Variants in BAZ1B observed in about 807,000 individuals in gnomAD.
BAZ1B encodes bromodomain adjacent to zinc finger domain 1B.
A neutral mutation model predicts 153.8 loss-of-function variants in BAZ1B; 22 were observed. The observed-to-expected ratio is 0.14, with a 90% CI of 0.10 to 0.20. The LOEUF (loss-of-function observed/expected upper bound fraction) is 0.20. Among genes scored for constraint, BAZ1B ranks in the 10% least tolerant of loss-of-function variants. BAZ1B has a pLI of 1.00. For missense variants in BAZ1B, 1,325 were observed against 1,799.3 expected (o/e 0.74, Z 4.77); for synonymous variants, 676 against 633.4 (o/e 1.07, Z -1.01).
chr7:73,442,136 T>TCCCCCCCCCC, intron 19 of BAZ1B, 45 bp downstream of exon 19: 1 of 573,492 alleles, frequency 1.7e-6, no homozygotes, highest in Non-Finnish European at 3.2e-6. Flanking sequence ...CTCGCTCGCC[T>TCCCCCCCCCC]CCCTCCCACC....
intron 1 of BAZ1B, among the ~76,000 whole-genome samples, chr7:73,519,604 T>A (rs1254331435): frequency 6.6e-6 from 1 of 152,222 alleles, no homozygotes; most frequent in African/African-American, 2.4e-5. Context: ...CAGTTTTAAA[T>A]TGTTACCATC....
chr7:73,494,151 G>A (rs1789777078), intron 4 of BAZ1B, among the ~76,000 whole-genome samples: 1 of 152,070 alleles, frequency 6.6e-6, no homozygotes, highest in African/African-American at 2.4e-5. Context: ...AGGAGCCAAG[G>A]CAGAAGGATC....
rs557717522 is a variant in BAZ1B, at chr7:73,441,707, G to A, written c.*16-14C>T. On this transcript the variant is annotated splice_polypyrimidine_tract_variant and intron_variant, in intron 19 of 19. Transcript: ENST00000339594. ...TGATACTGTCACCTGAGAGGAAGAC[G>A]GGGGAAGAGACAGAGTATGGGCTTA... The A allele has an allele frequency of 3.1e-4, 49 of 158,448 alleles. 2 individuals carry two copies. In the South Asian group the frequency reaches 8.5e-3, roughly 28 times the overall value. 9.8% of individuals were successfully genotyped at this position (158,448 alleles called of 1,614,324 possible).
intron 17 of BAZ1B, among the ~76,000 whole-genome samples, chr7:73,443,712 G>A (rs1174958480): frequency 2.6e-5 from 4 of 152,140 alleles, no homozygotes; most frequent in African/African-American, 9.7e-5. Context: ...GGAGACACAT[G>A]GATACTATTT....
At chr7:73,470,628 GA>G (rs1788767449) in intron 7 of BAZ1B, 145 bp from the exon 8 acceptor site, 1 of 982,350 alleles carries the variant, frequency 1.0e-6, no homozygotes, top group Non-Finnish European at 1.5e-6. Context: ...TCTGTTACAA[GA>G]AATTACATGT....
At chr7:73,495,968 A>C (rs941109579) in intron 4 of BAZ1B, among the ~76,000 whole-genome samples, 3 of 152,232 alleles carry the variant, frequency 2.0e-5, no homozygotes, top group African/African-American at 7.2e-5. Context: ...AAGTTTACCT[A>C]TGCAACAACC....
chr7:73,456,687 A>T (rs1788212834), intron 13 of BAZ1B, among the ~76,000 whole-genome samples: 1 of 152,122 alleles, frequency 6.6e-6, no homozygotes, highest in Admixed American at 6.6e-5. Flanking sequence ...GAGGCCTATA[A>T]TGCCAGCACT....
chr7:73,455,047 C>T (rs1336102966), intron 13 of BAZ1B, among the ~76,000 whole-genome samples: 2 of 150,876 alleles, frequency 1.3e-5, no homozygotes, highest in African/African-American at 2.4e-5. Context: ...TGTGTGTGTG[C>T]ATTTTTTCTT....
Position 73,508,482 on chromosome 7 carries a change from G to C in BAZ1B, c.225-11C>G. The C allele has an allele frequency of 6.3e-7, 1 of 1,596,618 alleles. No individual in the cohort carries two copies. The highest frequency in any genetic ancestry group is 8.5e-7 in the Non-Finnish European group (1 of 1,171,732). Reference sequence around the variant, plus strand: ...AACTCCTCCTTCAAACTAAATAAATGTAATTAGTTATCAAGAAAACACAGA... The same window carrying C: ...AACTCCTCCTTCAAACTAAATAAATCTAATTAGTTATCAAGAAAACACAGA... On this transcript the variant is annotated splice_polypyrimidine_tract_variant and intron_variant, in intron 2 of 19. Coordinates refer to ENST00000339594, the MANE Select transcript of BAZ1B (RefSeq NM_032408.4).
chr7:73,505,046 TC>T (rs1790279930), intron 3 of BAZ1B, among the ~76,000 whole-genome samples: 1 of 152,122 alleles, frequency 6.6e-6, no homozygotes, highest in African/African-American at 2.4e-5. Context: ...AGCTATTCCC[TC>T]CCTCTTCTCT....
At chr7:73,471,033 C>A (rs1447093741) in intron 7 of BAZ1B, among the ~76,000 whole-genome samples, 1 of 152,178 alleles carries the variant, frequency 6.6e-6, no homozygotes, top group African/African-American at 2.4e-5. Context: ...CCACACCCAG[C>A]CAAAATATCA....
chr7:73,476,811 C>T, intron 7 of BAZ1B, 57 bp downstream of exon 7: 1 of 1,531,496 alleles, frequency 6.5e-7, no homozygotes, highest in Non-Finnish European at 8.7e-7. Flanking sequence ...TCAGTAATTT[C>T]CTTTCTTTTA....
chr7:73,512,667 CTT>C (rs1554578754), intron 1 of BAZ1B, among the ~76,000 whole-genome samples: 1 of 152,204 alleles, frequency 6.6e-6, no homozygotes, highest in Admixed American at 6.5e-5. Flanking sequence ...AACTAATTTA[CTT>C]TTAAGCACAG....
At chr7:73,472,416 G>A (rs1192651930) in intron 7 of BAZ1B, among the ~76,000 whole-genome samples, 3 of 150,226 alleles carry the variant, frequency 2.0e-5, no homozygotes, top group Non-Finnish European at 4.4e-5. Flanking sequence ...GTGTCACCAC[G>A]CCCGGCTAAT....
chr7:73,515,180 T>G (rs1554579123), intron 1 of BAZ1B, among the ~76,000 whole-genome samples: 1 of 152,214 alleles, frequency 6.6e-6, no homozygotes, highest in Non-Finnish European at 1.5e-5. Context: ...TAATCATCCT[T>G]TAGATCTCAA....
At chr7:73,464,728 T>C (rs575083835) in intron 11 of BAZ1B, among the ~76,000 whole-genome samples, 1 of 152,300 alleles carries the variant, frequency 6.6e-6, no homozygotes, top group South Asian at 2.1e-4. Flanking sequence ...TGGGGGTTTT[T>C]TGTTTCATTT....
Position 73,449,528 on chromosome 7 carries a change from G to C in BAZ1B, c.3728+14C>G. ...TTTATTCATTCAATTATTTTTAAAA[G>C]AAAAGATTCTCACCTGCCACGGGAG... On this transcript the variant is annotated intron_variant, in intron 15 of 19. Transcript: ENST00000339594. 1.3e-6 allele frequency: 2 copies of C among 1,598,314 alleles called. No individual in the cohort carries two copies. The highest frequency in any genetic ancestry group is 1.7e-6 in the Non-Finnish European group (2 of 1,175,060).
chr7:73,447,201 T>TTTCCAAGCG, intron 16 of BAZ1B, 63 bp downstream of exon 16: 1 of 1,611,886 alleles, frequency 6.2e-7, no homozygotes, highest in Non-Finnish European at 8.5e-7. Flanking sequence ...CAAGCCAGCC[T>TTTCCAAGCG]TTCCAAGCGT....
chr7:73,483,455 G>A (rs1333867795), intron 6 of BAZ1B, among the ~76,000 whole-genome samples: 4 of 152,106 alleles, frequency 2.6e-5, no homozygotes, highest in African/African-American at 9.7e-5. Flanking sequence ...CAAATAGTGG[G>A]CTTTTCTCAA....
Sources: gnomAD v4.1 joint callset for allele counts (sites outside exome capture counted in the v4.1 genomes callset) on GRCh38, gnomAD v4.1.1 for gene constraint, MANE v1.5 for transcripts, NCBI Gene and HGNC (gene_info 2026-07-23, HGNC 2026-07-21) for gene names.